Variants in NTM observed in about 807,000 individuals in gnomAD.
NTM encodes the protein IgLON family member 2.
A neutral mutation model predicts 42.1 loss-of-function variants in NTM; 13 were observed. The ratio of observed to expected loss-of-function variants is 0.31; its 90% CI spans 0.20 to 0.49. The LOEUF (loss-of-function observed/expected upper bound fraction) is 0.49. Ranked by LOEUF, NTM falls within the 20% of genes least tolerant of loss-of-function variation. NTM has a pLI of 0.99. For synonymous variants in NTM, 187 were observed against 179.2 expected (o/e 1.04, Z -0.35); for missense variants, 373 against 452.8 (o/e 0.82, Z 1.60).
chr11:131,590,233 A>T (rs1011976143), intron 1 of NTM, among the ~76,000 whole-genome samples: 1 of 152,192 alleles, frequency 6.6e-6, no homozygotes, highest in South Asian at 2.1e-4. Context: ...ACTGTCTGAC[A>T]GCAGTGATGA....
intron 3 of NTM, among the ~76,000 whole-genome samples, chr11:132,177,090 C>T (rs994321430): frequency 1.5e-4 from 23 of 152,162 alleles, no homozygotes; most frequent in African/African-American, 5.5e-4. Context: ...TGACACATTA[C>T]AGGAGAATGC....
intron 1 of NTM, among the ~76,000 whole-genome samples, chr11:131,542,748 A>T (rs986995825): frequency 6.6e-6 from 1 of 152,152 alleles, no homozygotes; most frequent in African/African-American, 2.4e-5. Flanking sequence ...GTCTATATCA[A>T]TGCAGGATTT....
chr11:131,886,548 C>A (rs539867906), intron 1 of NTM, among the ~76,000 whole-genome samples: 1 of 152,234 alleles, frequency 6.6e-6, no homozygotes. Flanking sequence ...GTCTGAGGCA[C>A]GCCTCTTGTG....
chr11:131,460,463 A>G (rs554918524), intron 1 of NTM, among the ~76,000 whole-genome samples: 17 of 152,290 alleles, frequency 1.1e-4, no homozygotes, highest in African/African-American at 4.1e-4. Context: ...AGAAAGCAAA[A>G]CCTGTAGCAA....
At chr11:131,893,725 G>C (rs1217431981) in intron 1 of NTM, among the ~76,000 whole-genome samples, 1 of 152,204 alleles carries the variant, frequency 6.6e-6, no homozygotes, top group Non-Finnish European at 1.5e-5. Context: ...AGGGCATCAA[G>C]GAAGCCTGGA....
chr11:132,294,818 G>C (rs925417406), intron 4 of NTM, among the ~76,000 whole-genome samples: 6 of 152,146 alleles, frequency 3.9e-5, no homozygotes, highest in African/African-American at 1.4e-4. Flanking sequence ...CAGACAGACA[G>C]AGCTGAATGG....
chr11:132,068,420 T>C (rs1276782437), intron 2 of NTM, among the ~76,000 whole-genome samples: 1 of 151,972 alleles, frequency 6.6e-6, no homozygotes, highest in Non-Finnish European at 1.5e-5. Flanking sequence ...AAGTTTCTGC[T>C]TCTGTATAAC....
intron 1 of NTM, among the ~76,000 whole-genome samples, chr11:131,478,376 A>C (rs1953186574): frequency 6.6e-6 from 1 of 152,220 alleles, no homozygotes; most frequent in Non-Finnish European, 1.5e-5. Flanking sequence ...ATTTATGGAC[A>C]CCTTGCCTAA....
chr11:131,783,115 G>A (rs1055414376), intron 1 of NTM, among the ~76,000 whole-genome samples: 1 of 152,052 alleles, frequency 6.6e-6, no homozygotes. Flanking sequence ...AATATTAATA[G>A]GTGAATTTAA....
intron 1 of NTM, among the ~76,000 whole-genome samples, chr11:131,617,536 C>T (rs1377074127): frequency 6.6e-6 from 1 of 152,108 alleles, no homozygotes; most frequent in Non-Finnish European, 1.5e-5. Flanking sequence ...ACTGCCTGTG[C>T]TCAGCATGAG....
At chr11:131,674,202 C>T (rs771025269) in intron 1 of NTM, among the ~76,000 whole-genome samples, 7 of 152,198 alleles carry the variant, frequency 4.6e-5, no homozygotes, top group Non-Finnish European at 8.8e-5. Context: ...GAGAAGCAGA[C>T]GTGCTGCACA....
intron 2 of NTM, among the ~76,000 whole-genome samples, chr11:132,119,749 C>T (rs1348319560): frequency 6.6e-6 from 1 of 152,202 alleles, no homozygotes; most frequent in Non-Finnish European, 1.5e-5. Flanking sequence ...GGACCTTCTG[C>T]ACCAAGGCTA....
intron 1 of NTM, among the ~76,000 whole-genome samples, chr11:131,562,609 T>A (rs2137010964): frequency 6.6e-6 from 1 of 152,044 alleles, no homozygotes; most frequent in African/African-American, 2.4e-5. Context: ...ACAGGAGACC[T>A]CTTTGAAGGC....
chr11:131,391,644 G>GAAAAAAAA (rs5795723), intron 1 of NTM, among the ~76,000 whole-genome samples: 45 of 81,518 alleles, frequency 5.5e-4, no homozygotes, highest in Non-Finnish European at 8.1e-4. Flanking sequence ...TTTTATCTGG[G>GAAAAAAAA]AAAAAAAAAA....
chr11:131,500,076 A>G (rs879686128), intron 1 of NTM, among the ~76,000 whole-genome samples: 8 of 152,170 alleles, frequency 5.3e-5, no homozygotes, highest in Non-Finnish European at 1.2e-4. Flanking sequence ...CTCAGGCTGT[A>G]TGGACCTGGC....
intron 1 of NTM, among the ~76,000 whole-genome samples, chr11:131,651,667 C>A (rs2066493222): frequency 6.6e-6 from 1 of 152,152 alleles, no homozygotes; most frequent in African/African-American, 2.4e-5. Context: ...TGGTGAAACC[C>A]TGTTTTTTAC....
At chr11:131,793,708 C>T (rs1010930411) in intron 1 of NTM, among the ~76,000 whole-genome samples, 1 of 152,166 alleles carries the variant, frequency 6.6e-6, no homozygotes, top group Non-Finnish European at 1.5e-5. Context: ...CCACCTCCCA[C>T]CCTATTATTT....
rs762557255 is a variant in NTM, at chr11:131,889,012, T to A, written c.83-22552T>A. Among the ~76,000 whole-genome samples, 84 of 152,064 alleles carry A rather than the reference T, an allele frequency of 5.5e-4. 1 individual carries two copies. The highest frequency in any genetic ancestry group is 8.8e-5 in the Non-Finnish European group (6 of 68,028). On this transcript the variant is annotated intron_variant, in intron 1 of 8. Transcript: ENST00000683400. ...AGCTGCAGCAGCATTGAGTGCTAAA[T>A]GAGTCCCTTGTCAAAGGCTGCTTGG...
chr11:131,637,180 A>G (rs1330317627), intron 1 of NTM, among the ~76,000 whole-genome samples: 1 of 152,038 alleles, frequency 6.6e-6, no homozygotes, highest in African/African-American at 2.4e-5. Flanking sequence ...AAATAAGTCC[A>G]GTGAAGTCTG....
Sources: gnomAD v4.1 joint callset for allele counts (sites outside exome capture counted in the v4.1 genomes callset) on GRCh38, gnomAD v4.1.1 for gene constraint, MANE v1.5 for transcripts, NCBI Gene and HGNC (gene_info 2026-07-23, HGNC 2026-07-21) for gene names.